Variants in MAP3K21 observed in about 807,000 individuals in gnomAD.
MAP3K21 encodes the protein mitogen-activated protein kinase kinase kinase MLK4.
In MAP3K21, 63 loss-of-function variants were observed where a neutral mutation model predicts 86.1. The ratio of observed to expected loss-of-function variants is 0.73; its 90% CI spans 0.60 to 0.90. MAP3K21 has a LOEUF of 0.90. Ranked by LOEUF, MAP3K21 falls within the 40% of genes least tolerant of loss-of-function variation. MAP3K21 has a pLI of 0.00. For missense variants in MAP3K21, 1,220 were observed against 1,367.7 expected (o/e 0.89, Z 1.70); for synonymous variants, 558 against 564.8 (o/e 0.99, Z 0.17).
intron 5 of MAP3K21, among the ~76,000 whole-genome samples, chr1:233,365,787 A>T (rs987509892): frequency 6.7e-6 from 1 of 149,166 alleles, no homozygotes; most frequent in Non-Finnish European, 1.5e-5. Context: ...GAGGTCTCTC[A>T]AAAAAAAAAC....
At chr1:233,354,417 G>A (rs913824928) in intron 3 of MAP3K21, among the ~76,000 whole-genome samples, 2 of 152,050 alleles carry the variant, frequency 1.3e-5, no homozygotes, top group African/African-American at 2.4e-5. Flanking sequence ...TCATTGTTAG[G>A]CTATTTTTGA....
chr1:233,382,139 A>T (rs1303168373), intron 9 of MAP3K21, among the ~76,000 whole-genome samples, 166 bp from the exon 10 acceptor site: 1 of 152,208 alleles, frequency 6.6e-6, no homozygotes, highest in African/African-American at 2.4e-5. Context: ...CAAGAGTTCG[A>T]GGCTGCAGTG....
At chr1:233,361,949 C>T in intron 4 of MAP3K21, 104 bp from the exon 5 acceptor site, 1 of 1,376,478 alleles carries the variant, frequency 7.3e-7, no homozygotes, top group South Asian at 1.4e-5. Flanking sequence ...TCTCCTTGTG[C>T]ACAGGAGGAG....
intron 2 of MAP3K21, among the ~76,000 whole-genome samples, chr1:233,348,620 T>G (rs1663192315): frequency 6.6e-6 from 1 of 151,972 alleles, no homozygotes; most frequent in Non-Finnish European, 1.5e-5. Context: ...ACCAGTAGAG[T>G]GTCAGGGTTC....
intron 5 of MAP3K21, among the ~76,000 whole-genome samples, chr1:233,370,094 G>A (rs1663655680): frequency 6.6e-6 from 1 of 152,172 alleles, no homozygotes; most frequent in Non-Finnish European, 1.5e-5. Context: ...GCAGGAAGAT[G>A]GACACAAGGC....
intron 9 of MAP3K21, among the ~76,000 whole-genome samples, 174 bp from the exon 10 acceptor site, chr1:233,382,131 A>G (rs946653489): frequency 5.3e-5 from 8 of 152,352 alleles, no homozygotes; most frequent in African/African-American, 1.9e-4. Context: ...CTTAAGGCCA[A>G]GAGTTCGAGG....
chr1:233,356,802 A>G (rs1663366393), intron 4 of MAP3K21, among the ~76,000 whole-genome samples: 1 of 152,240 alleles, frequency 6.6e-6, no homozygotes, highest in Non-Finnish European at 1.5e-5. Flanking sequence ...TTGGAAACTG[A>G]CTATAAATGA....
chr1:233,375,710 G>C (rs1467218398), intron 6 of MAP3K21: 1 of 521,860 alleles, frequency 1.9e-6, no homozygotes, highest in Non-Finnish European at 3.3e-6. Context: ...TATCTTTTCT[G>C]TTAACTTACT....
chr1:233,348,518 T>C (rs931300826), intron 2 of MAP3K21, among the ~76,000 whole-genome samples: 3 of 152,218 alleles, frequency 2.0e-5, no homozygotes, highest in East Asian at 3.8e-4. Context: ...AGTAGTGAGA[T>C]TGCTTGGCCA....
chr1:233,335,916 T>C (rs1558449660), intron 1 of MAP3K21, among the ~76,000 whole-genome samples: 1 of 152,198 alleles, frequency 6.6e-6, no homozygotes. Flanking sequence ...TGCCAGACTT[T>C]GGGAGAAGAC....
intron 2 of MAP3K21, among the ~76,000 whole-genome samples, chr1:233,347,193 C>A (rs1347498274): frequency 6.6e-6 from 1 of 152,134 alleles, no homozygotes; most frequent in Non-Finnish European, 1.5e-5. Context: ...CTGCACCCAG[C>A]CTGAATTGAC....
intron 1 of MAP3K21, among the ~76,000 whole-genome samples, chr1:233,339,632 AC>A (rs933161483): frequency 5.3e-5 from 8 of 151,794 alleles, no homozygotes; most frequent in Non-Finnish European, 1.0e-4. Context: ...ATAGGCGAGT[AC>A]CATGATGCCC....
rs967329957 is a variant in MAP3K21, at chr1:233,354,910, G to T, written c.1210G>T (p.Ala404Ser). Residue 404 changes from alanine to serine, a missense_variant, in exon 4 of 10, where the codon GCA becomes TCA. Physicochemically the swap from Ala to Ser is moderately conservative, Grantham distance 99. Around this residue, in one of 5 missense-constraint regions of MAP3K21, gnomAD observed 126 missense variants for 127.7 expected, o/e 0.99. Coordinates refer to ENST00000366624, the MANE Select transcript of MAP3K21 (RefSeq NM_032435.3). ...CGAACAGTTGACTGCTATTGAAGGG[G>T]CAGTGATGACTGAGATGCCTCAAGA... is the stretch of plus-strand genomic sequence containing the variant. ...ILEQLTAIEG[A>S]VMTEMPQESF... The T allele has an allele frequency of 1.2e-6, 2 of 1,613,678 alleles. No homozygotes were observed. The highest frequency in any genetic ancestry group is 2.7e-5 in the African/African-American group (2 of 74,922).
rs904354158 is a variant in MAP3K21 at position 233,327,796 on chromosome 1, G to T, written c.-233G>T. 1.8e-5 allele frequency: 6 copies of T among 331,422 alleles called. No homozygotes were observed. Among genetic ancestry groups the T allele is most frequent in the Non-Finnish European group, 2.7e-5 (5 of 185,330 alleles). The allele number at this position is 331,422 out of a possible 1,614,324, so 20.5% of individuals were successfully genotyped here. On this transcript the variant is annotated 5_prime_UTR_variant, in exon 1 of 10. Coordinates refer to ENST00000366624, the MANE Select transcript of MAP3K21 (RefSeq NM_032435.3). ...GGCCTGGGCACGACCATGGTGGGAC[G>T]TCGCCCGCGGCTTCGGGGACCGCTG...
rs1558466598 is a variant in MAP3K21 at position 233,383,793 on chromosome 1, A to G, written c.*1082A>G. On this transcript the variant is annotated 3_prime_UTR_variant, in exon 10 of 10. Transcript: ENST00000366624. The stretch of plus-strand genomic sequence containing the variant: ...TTGTTGTTATTTCACATTTCATTTA[A>G]TTGTGGATAAATGTTAGACATCTGT... The G allele has an allele frequency of 6.6e-6, 1 of 152,212 alleles. No homozygotes were observed. Among genetic ancestry groups the G allele is most frequent in the Non-Finnish European group, 1.5e-5 (1 of 68,030 alleles). 9.4% of individuals were successfully genotyped at this position (152,212 alleles called of 1,614,324 possible).
At chr1:233,330,593 A>G (rs1326668142) in intron 1 of MAP3K21, among the ~76,000 whole-genome samples, 1 of 152,206 alleles carries the variant, frequency 6.6e-6, no homozygotes, top group Non-Finnish European at 1.5e-5. Context: ...AAGGACATCA[A>G]CAGCACCATT....
chr1:233,346,545 C>T lies in MAP3K21; in HGVS notation c.909C>T (p.Ser303=), dbSNP rs755135824. The T allele has an allele frequency of 4.3e-6, 7 of 1,613,966 alleles. No homozygotes were observed. In the South Asian group the frequency reaches 6.6e-5, roughly 15 times the overall value. The change falls in exon 2 of 10, where the codon AGC becomes AGT. Residue 303 remains serine, a synonymous_variant. Coordinates refer to ENST00000366624, the MANE Select transcript of MAP3K21 (RefSeq NM_032435.3). ...AREWHRTTKM[S]TAGTYAWMAP... is the part of the protein sequence containing the mutation. ...AATGGCACAGGACCACCAAAATGAG[C>T]ACAGCAGGCACCTATGCCTGGATGG... is the stretch of plus-strand genomic sequence containing the variant.
Position 233,328,002 on chromosome 1 carries a change from C to T in MAP3K21, c.-27C>T, listed in dbSNP as rs1199415673. 1.1e-5 allele frequency: 14 copies of T among 1,251,018 alleles called. No individual in the cohort carries two copies. 77.5% of individuals were successfully genotyped at this position (1,251,018 alleles called of 1,614,324 possible). A position where few individuals can be genotyped will look rare whatever the true frequency, so the allele number is the denominator to read the frequency against. ...CCGGGAGGCTGAGCCCAGCTTCCCGCTCCGCCTTCCCCGCGCAGCTGCCCC... is the reference window on the plus strand; with the variant it reads ...CCGGGAGGCTGAGCCCAGCTTCCCGTTCCGCCTTCCCCGCGCAGCTGCCCC... On this transcript the variant is annotated 5_prime_UTR_variant, in exon 1 of 10. Coordinates refer to ENST00000366624, the MANE Select transcript of MAP3K21 (RefSeq NM_032435.3). This position sits in a 1 kb window ranked among gnomAD's most constrained non-coding sequence, Gnocchi z 8.7.
intron 1 of MAP3K21, among the ~76,000 whole-genome samples, chr1:233,341,639 T>C (rs1452780468): frequency 6.6e-6 from 1 of 152,174 alleles, no homozygotes; most frequent in Non-Finnish European, 1.5e-5. Flanking sequence ...TAGTGTTTGG[T>C]TTTTAGTTCT....
Sources: allele counts gnomAD v4.1 joint callset (sites outside exome capture counted in the v4.1 genomes callset), GRCh38; gene constraint gnomAD v4.1.1; regional missense constraint gnomAD v4.1.1; non-coding constraint Gnocchi (gnomAD v3.1); transcripts MANE v1.5; gene names NCBI Gene and HGNC (gene_info 2026-07-23, HGNC 2026-07-21).